Variants in EYS observed in about 807,000 individuals in gnomAD.
EYS encodes EGF-like photoreceptor maintenance factor.
Under a neutral mutation model 282.1 loss-of-function variants are expected in EYS, and 250 were observed. That is an observed-to-expected ratio of 0.89 (90% confidence interval 0.80 to 0.98). EYS has a LOEUF of 0.98. Among genes scored for constraint, EYS ranks in the 50% least tolerant of loss-of-function variants. The pLI, the probability that EYS is intolerant of heterozygous loss-of-function variation, is 0.00. For missense variants in EYS, 4,016 were observed against 3,709.0 expected, an observed-to-expected ratio of 1.08 and a Z score of -2.15; for synonymous variants, 1,355 against 1,282.9, an observed-to-expected ratio of 1.06 and a Z score of -1.20.
intron 22 of EYS, among the ~76,000 whole-genome samples, chr6:64,686,843 A>ATATATATATATGTGTATATATATACGTG (rs1301700445): frequency 0.018 from 731 of 41,040 alleles, 219 homozygotes; most frequent in Non-Finnish European, 0.035. Flanking sequence ...ATATACGTGT[A>ATATATATATATGTGTATATATATACGTG]TATATATATA....
intron 41 of EYS, among the ~76,000 whole-genome samples, chr6:63,750,662 A>T (rs1291966131): frequency 6.6e-6 from 1 of 152,230 alleles, no homozygotes; most frequent in African/African-American, 2.4e-5. Context: ...AGGAGAACTC[A>T]TATAGAGGAT....
At chr6:64,761,400 A>C (rs1399620202) in intron 22 of EYS, among the ~76,000 whole-genome samples, 2 of 152,218 alleles carry the variant, frequency 1.3e-5, no homozygotes, top group Non-Finnish European at 2.9e-5. Context: ...GCTTTTTGTG[A>C]AGATTAGCAG....
chr6:64,646,512 ATTCT>A (rs1161987107), intron 22 of EYS, among the ~76,000 whole-genome samples: 1 of 152,088 alleles, frequency 6.6e-6, no homozygotes, highest in Non-Finnish European at 1.5e-5. Context: ...TTATAAGAAA[ATTCT>A]TTATAGGCAG....
At chr6:64,338,368 C>T (rs986790271) in intron 29 of EYS, among the ~76,000 whole-genome samples, 1 of 151,602 alleles carries the variant, frequency 6.6e-6, no homozygotes, top group Non-Finnish European at 1.5e-5. Context: ...AAGAAGTCTA[C>T]CCCTTTTACA....
chr6:64,654,425 T>C (rs973137105), intron 22 of EYS, among the ~76,000 whole-genome samples: 1 of 152,112 alleles, frequency 6.6e-6, no homozygotes, highest in Non-Finnish European at 1.5e-5. Flanking sequence ...ATTACAAAAA[T>C]GTATGGTTAG....
chr6:65,690,387 A>G lies in EYS; in HGVS notation c.-448+16748T>C, dbSNP rs1467889592. Among the ~76,000 whole-genome samples the G allele has an allele frequency of 2.7e-5, 4 of 149,720 alleles. No individual in the cohort carries two copies. In the East Asian group the frequency reaches 9.4e-4, roughly 35 times the overall value. On this transcript the variant is annotated intron_variant, in intron 1 of 42. Transcript: ENST00000503581. The stretch of plus-strand genomic sequence containing the variant: ...TTATAGCCCTATCTTATCCATATGG[A>G]CAGGTGCCCCTCATGCGTCCGTTTA...
At chr6:65,507,917 C>G (rs911104692) in intron 2 of EYS, among the ~76,000 whole-genome samples, 1 of 152,124 alleles carries the variant, frequency 6.6e-6, no homozygotes, top group African/African-American at 2.4e-5. Flanking sequence ...ACAACATCCT[C>G]GTGATGTATG....
At chr6:63,842,636 CT>C (rs982906796) in intron 36 of EYS, among the ~76,000 whole-genome samples, 1 of 152,098 alleles carries the variant, frequency 6.6e-6, no homozygotes, top group Non-Finnish European at 1.5e-5. Context: ...TCTATTTTTG[CT>C]TTTGTTGCCA....
At chr6:65,026,847 G>A (rs1772428591) in intron 13 of EYS, among the ~76,000 whole-genome samples, 2 of 151,464 alleles carry the variant, frequency 1.3e-5, no homozygotes, top group African/African-American at 2.4e-5. Context: ...AATCCGGGAG[G>A]CAGAGGTTGC....
chr6:65,633,153 C>T (rs1279670712), intron 2 of EYS, among the ~76,000 whole-genome samples: 1 of 152,144 alleles, frequency 6.6e-6, no homozygotes, highest in Non-Finnish European at 1.5e-5. Flanking sequence ...AACTATCCAT[C>T]ATAAGATTTA....
intron 29 of EYS, among the ~76,000 whole-genome samples, chr6:64,371,320 GT>G: frequency 1.2e-5 from 1 of 84,000 alleles, no homozygotes; most frequent in African/African-American, 4.4e-5. Flanking sequence ...TAATTTTATG[GT>G]TGGTTTTTTT....
At position 65,565,244 on chromosome 6, in the gene EYS, C is replaced by CAAAA. The variant is rs765596305; in HGVS notation, c.-332-69255_-332-69252dup. Among the ~76,000 whole-genome samples the CAAAA allele has an allele frequency of 5.6e-3, 9 of 1,618 alleles. 3 individuals carry two copies. The highest frequency in any genetic ancestry group is 6.2e-3 in the Non-Finnish European group (8 of 1,282). The allele number at this position is 1,618 out of a possible 152,430, so 1.1% of individuals were successfully genotyped here. A position where few individuals can be genotyped will look rare whatever the true frequency, so the allele number is the denominator to read the frequency against. On this transcript the variant is annotated intron_variant, in intron 2 of 42. Transcript: ENST00000503581. ...TGGGCGACAGAGCGAGACTCCGTCT[C>CAAAA]AAAAAAAAAAAAAAAAAAAAAAAAA... is the stretch of plus-strand genomic sequence containing the variant.
intron 15 of EYS, among the ~76,000 whole-genome samples, chr6:64,914,605 A>G (rs2150077891): frequency 6.6e-6 from 1 of 152,244 alleles, no homozygotes; most frequent in Admixed American, 6.5e-5. Context: ...TAGGATACCA[A>G]TATATTGGAG....
intron 31 of EYS, among the ~76,000 whole-genome samples, chr6:64,168,119 G>C (rs112379744): frequency 6.6e-6 from 1 of 152,084 alleles, no homozygotes; most frequent in Non-Finnish European, 1.5e-5. Context: ...AAGATTAGCC[G>C]AGCGTGGTGC....
chr6:63,804,959 C>G (rs910527258), intron 37 of EYS, among the ~76,000 whole-genome samples: 1 of 151,998 alleles, frequency 6.6e-6, no homozygotes, highest in Non-Finnish European at 1.5e-5. Context: ...TAGAGTACCC[C>G]ATCCTAGCAG....
At chr6:65,008,621 C>A (rs181102328) in intron 13 of EYS, among the ~76,000 whole-genome samples, 4 of 152,310 alleles carry the variant, frequency 2.6e-5, no homozygotes, top group Middle Eastern at 6.8e-3. Flanking sequence ...TAGAAGTAAG[C>A]TGCCCCCTTG....
At chr6:65,363,051 C>A (rs1038009696) in intron 8 of EYS, among the ~76,000 whole-genome samples, 2 of 151,904 alleles carry the variant, frequency 1.3e-5, no homozygotes, top group Non-Finnish European at 1.5e-5. Context: ...ATGCCTTTGC[C>A]ATGACATTAC....
Position 65,453,011 on chromosome 6 carries a change from A to G in EYS, c.862+37583T>C, listed in dbSNP as rs76875817. ...CAAAAAACAAATTCATCTACAAAGCACAGGGAAGCATTTATAAGTACACAG... is the reference window on the plus strand; with the variant it reads ...CAAAAAACAAATTCATCTACAAAGCGCAGGGAAGCATTTATAAGTACACAG... On this transcript the variant is annotated intron_variant, in intron 5 of 42. Coordinates refer to ENST00000503581, the MANE Select transcript of EYS (RefSeq NM_001142800.2). Among the ~76,000 whole-genome samples the G allele has an allele frequency of 1.8e-3, 277 of 152,162 alleles. 4 individuals are homozygous for G. Among genetic ancestry groups the G allele is most frequent in the African/African-American group, 6.0e-3 (250 of 41,550 alleles).
intron 2 of EYS, among the ~76,000 whole-genome samples, chr6:65,588,293 T>A (rs755207482): frequency 5.9e-5 from 9 of 152,058 alleles, no homozygotes; most frequent in Non-Finnish European, 1.2e-4. Flanking sequence ...TAAATCATAT[T>A]CTTATTGTGC....
Sources: gnomAD v4.1 joint callset for allele counts (sites outside exome capture counted in the v4.1 genomes callset) on GRCh38, gnomAD v4.1.1 for gene constraint, MANE v1.5 for transcripts, NCBI Gene and HGNC (gene_info 2026-07-23, HGNC 2026-07-21) for gene names.